Variants in ZNF75A observed in about 807,000 individuals in gnomAD.
ZNF75A encodes zinc finger protein 75A.
Under a neutral mutation model 46.3 loss-of-function variants are expected in ZNF75A, and 36 were observed. That is an observed-to-expected ratio of 0.78 (90% CI 0.60 to 1.03). ZNF75A has a LOEUF of 1.03. Ranked by LOEUF, ZNF75A falls within the 50% of genes least tolerant of loss-of-function variation. ZNF75A has a pLI of 0.00. For missense variants in ZNF75A, 595 were observed against 551.3 expected, an observed-to-expected ratio of 1.08 and a Z score of -0.79; for synonymous variants, 234 against 189.9, an observed-to-expected ratio of 1.23 and a Z score of -1.91.
At chr16:3,310,257 G>C (rs1960649981) in intron 2 of ZNF75A, among the ~76,000 whole-genome samples, 1 of 152,098 alleles carries the variant, frequency 6.6e-6, no homozygotes, top group African/African-American at 2.4e-5. Flanking sequence ...AGCTGAGCAT[G>C]GTGGCGTGTG....
At chr16:3,316,218 G>T (rs562457115) in intron 5 of ZNF75A, 3 of 152,190 alleles carry the variant, frequency 2.0e-5, no homozygotes, top group African/African-American at 7.2e-5. Flanking sequence ...TGAAATCAGG[G>T]GTCTTCTTCA....
chr16:3,308,022 C>T (rs959922756), intron 1 of ZNF75A: 4 of 152,158 alleles, frequency 2.6e-5, no homozygotes, highest in African/African-American at 7.2e-5. Context: ...CCAGTTAAAT[C>T]CTTGGAAAAT....
rs1961086331 is a variant in ZNF75A at position 3,314,938 on chromosome 16, C to A, written c.823+1763C>A. On this transcript the variant is annotated intron_variant, in intron 5 of 6. Transcript: ENST00000669516. ...CTGTTCTCAGTTTACTGAGAATGAA[C>A]CTCTGTGAGAGGGTCTCAGTGTTCC... The A allele has an allele frequency of 1.5e-5, 15 of 985,206 alleles. No homozygotes were observed. The South Asian group carries it at 6.6e-4, about 43-fold the overall frequency. The allele number at this position is 985,206 out of a possible 1,614,324, so 61.0% of individuals were successfully genotyped here.
chr16:3,323,328 TG>T, downstream of ZNF75A: 1 of 1,099,548 alleles, frequency 9.1e-7, no homozygotes, highest in Non-Finnish European at 1.4e-6. Context: ...TGAGATCTCC[TG>T]GAAATGCTTC....
downstream of ZNF75A, chr16:3,318,916 T>G: frequency 1.2e-6 from 1 of 860,264 alleles, no homozygotes; most frequent in Non-Finnish European, 1.4e-6. Flanking sequence ...CTGTAAGCTC[T>G]ACCTGTCTTT....
At chr16:3,319,788 T>A (rs928401253), downstream of ZNF75A, among the ~76,000 whole-genome samples, 2 of 114,874 alleles carry the variant, frequency 1.7e-5, no homozygotes, top group South Asian at 4.5e-4. Context: ...TTTTCATTTT[T>A]TTTTTTTTAT....
downstream of ZNF75A, among the ~76,000 whole-genome samples, chr16:3,321,647 T>G (rs992036954): frequency 7.9e-5 from 12 of 152,106 alleles, no homozygotes; most frequent in African/African-American, 2.9e-4. Context: ...TTTTTTACTT[T>G]TAGTAGAGAT....
chr16:3,316,891 C>T, intron 5 of ZNF75A, 21 bp from the exon 6 acceptor site: 2 of 1,566,578 alleles, frequency 1.3e-6, no homozygotes, highest in Non-Finnish European at 1.8e-6. Context: ...AGTCCTTGAC[C>T]TCATTTTGTC....
At chr16:3,319,790 T>TA (rs1567275743), downstream of ZNF75A, among the ~76,000 whole-genome samples, 214 of 115,432 alleles carry the variant, frequency 1.9e-3, 3 homozygotes, top group African/African-American at 5.7e-3. Context: ...TTCATTTTTT[T>TA]TTTTTTATTT....
intron 5 of ZNF75A, chr16:3,315,847 C>T (rs1178323010): frequency 6.6e-6 from 1 of 152,236 alleles, no homozygotes; most frequent in Non-Finnish European, 1.5e-5. Context: ...CCTCAGGACC[C>T]TCCATGGTCT....
intron 2 of ZNF75A, among the ~76,000 whole-genome samples, chr16:3,310,168 G>A (rs922605311): frequency 2.6e-5 from 4 of 152,142 alleles, no homozygotes; most frequent in Non-Finnish European, 5.9e-5. Context: ...GGCTGAGGCG[G>A]GCGGATCACA....
At chr16:3,313,009 C>A (rs1960927416) in intron 4 of ZNF75A, 40 bp from the exon 5 acceptor site, 1 of 1,587,690 alleles carries the variant, frequency 6.3e-7, no homozygotes, top group African/African-American at 1.4e-5. Flanking sequence ...TGCTTCTGTA[C>A]AGTGGCAGGT....
chr16:3,321,137 T>G (rs2150837208), downstream of ZNF75A, among the ~76,000 whole-genome samples: 1 of 152,324 alleles, frequency 6.6e-6, no homozygotes, highest in South Asian at 2.1e-4. Context: ...ACTTAAACCA[T>G]GATATTAAAA....
chr16:3,306,889 C>G (rs1309642216), intron 1 of ZNF75A: 1 of 151,944 alleles, frequency 6.6e-6, no homozygotes, highest in Non-Finnish European at 1.5e-5. Flanking sequence ...CCGCTGTCAA[C>G]TGCCATCCAA....
intron 1 of ZNF75A, chr16:3,307,186 G>C (rs1431690661): frequency 3.3e-5 from 5 of 152,182 alleles, no homozygotes; most frequent in African/African-American, 1.2e-4. Flanking sequence ...CTGGTCTCAG[G>C]TGATCCACCC....
chr16:3,306,880 C>G (rs182373437), intron 1 of ZNF75A: 1 of 152,060 alleles, frequency 6.6e-6, no homozygotes, highest in African/African-American at 2.4e-5. Context: ...TTCACTTACC[C>G]GCTGTCAACT....
chr16:3,319,775 AGC>A (rs1434637243), downstream of ZNF75A, among the ~76,000 whole-genome samples: 1 of 148,256 alleles, frequency 6.7e-6, no homozygotes, highest in Non-Finnish European at 1.5e-5. Context: ...CTCTGGCTGA[AGC>A]TTTTCATTTT....
rs1464221891 is a variant in ZNF75A at position 3,317,228 on chromosome 16, G to A, written c.973G>A (p.Val325Met). ...AAACGACACTGAAAATCATCAGCCTGTGTCTCTTTCTGACTTAGAAATACA... is the reference window on the plus strand; with the variant it reads ...AAACGACACTGAAAATCATCAGCCTATGTCTCTTTCTGACTTAGAAATACA... ...LKNDTENHQP[V>M]SLSDLEIQAS... is the part of the protein sequence containing the mutation. Residue 325 changes from valine (V) to methionine (M), a missense_variant, in exon 7 of 7, where the codon GTG (valine) becomes ATG (methionine). Physicochemically the swap from Val to Met is conservative, Grantham distance 21. Coordinates refer to ENST00000669516, the MANE Select transcript of ZNF75A (RefSeq NM_001302109.2). 5.6e-6 allele frequency: 9 copies of A among 1,613,398 alleles called. No homozygotes were observed. In the African/African-American group the frequency reaches 6.7e-5, roughly 12 times the overall value.
rs1960125258 is a variant in ZNF75A at position 3,305,523 on chromosome 16, T to TGCGGTAGGCCA, written c.-231_-221dup. The TGCGGTAGGCCA allele has an allele frequency of 6.6e-6, 1 of 152,288 alleles. No individual in the cohort carries two copies. Among genetic ancestry groups the TGCGGTAGGCCA allele is most frequent in the African/African-American group, 2.4e-5 (1 of 41,480 alleles). 9.4% of individuals were successfully genotyped at this position (152,288 alleles called of 1,614,324 possible). On this transcript the variant is annotated 5_prime_UTR_variant, in exon 1 of 7. Coordinates refer to ENST00000669516, the MANE Select transcript of ZNF75A (RefSeq NM_001302109.2). ...CTCTGGCTCTGTACCTGGACAGGGC[T>TGCGGTAGGCCA]GCGGTAGGCCAGCGGTGGGCTGGCG...
Sources: allele counts gnomAD v4.1 joint callset (sites outside exome capture counted in the v4.1 genomes callset), GRCh38; gene constraint gnomAD v4.1.1; transcripts MANE v1.5; gene names NCBI Gene and HGNC (gene_info 2026-07-23, HGNC 2026-07-21).